HMGA1: variants seen among roughly 807,000 people sequenced by gnomAD.
HMGA1 encodes high mobility group AT-hook 1, also known as high mobility group protein HMG-I/HMG-Y.
A neutral mutation model predicts 15.1 loss-of-function variants in HMGA1; 1 was observed. The ratio of observed to expected loss-of-function variants is 0.07; its 90% CI spans 0.02 to 0.31. The LOEUF (loss-of-function observed/expected upper bound fraction) is 0.31, where lower values mean the gene tolerates loss of function less well. HMGA1 is among the 10% of genes least tolerant of loss of function. The pLI, the probability that HMGA1 is intolerant of heterozygous loss-of-function variation, is 1.00. For missense variants in HMGA1, 94 were observed against 141.4 expected (o/e 0.66, Z 1.70); for synonymous variants, 56 against 54.8 (o/e 1.02, Z -0.10).
At position 34,243,482 on chromosome 6, in the gene HMGA1, T is replaced by A; in HGVS notation, c.234T>A (p.Thr78=). The change falls in exon 5 of 6, where the codon ACT becomes ACA. Residue 78 remains threonine, a synonymous_variant. Coordinates refer to ENST00000311487, the MANE Select transcript of HMGA1 (RefSeq NM_145899.3). ...GAAKTRKTTT[T]PGRKPRGRPK... ...TAACCCTCTAGAAAACCACCACAAC[T>A]CCAGGAAGGAAACCAAGGGGCAGAC... 2 of 1,613,572 alleles carry A rather than the reference T, an allele frequency of 1.2e-6. No homozygotes were observed. The highest frequency in any genetic ancestry group is 8.5e-7 in the Non-Finnish European group (1 of 1,179,662).
intron 2 of HMGA1, among the ~76,000 whole-genome samples, chr6:34,239,424 A>G (rs1762115486): frequency 1.3e-5 from 2 of 151,960 alleles, no homozygotes; most frequent in Admixed American, 6.6e-5. Context: ...ATCATTTTCA[A>G]ATGGTCTAGT....
intron 4 of HMGA1, 138 bp downstream of exon 4, chr6:34,242,933 A>T: frequency 1.4e-6 from 1 of 713,208 alleles, no homozygotes; most frequent in Non-Finnish European, 2.6e-6. Context: ...TGGTACAGGG[A>T]TGGCAGTGAG....
chr6:34,243,603 C>A, intron 5 of HMGA1, 85 bp downstream of exon 5: 1 of 1,110,850 alleles, frequency 9.0e-7, no homozygotes, highest in Non-Finnish European at 1.4e-6. Flanking sequence ...TGCTATGCAC[C>A]CCCTATGGAA....
In HMGA1 at chr6:34,245,081, G is replaced by A. The variant is rs1441505701; in HGVS notation, c.*197G>A. On this transcript the variant is annotated 3_prime_UTR_variant, in exon 6 of 6. Coordinates refer to ENST00000311487, the MANE Select transcript of HMGA1 (RefSeq NM_145899.3). The stretch of plus-strand genomic sequence containing the variant: ...AGCCGCTGCAGGGCTCCCATGGGCT[G>A]AGTGGGGAGCAGTTTTCCCCTGGCC... 1 of 1,526,788 alleles carries A rather than the reference G, an allele frequency of 6.5e-7. No individual in the cohort carries two copies. Among genetic ancestry groups the A allele is most frequent in the African/African-American group, 1.4e-5 (1 of 72,642 alleles). The allele number at this position is 1,526,788 out of a possible 1,614,324, so 94.6% of individuals were successfully genotyped here.
intron 5 of HMGA1, 63 bp downstream of exon 5, chr6:34,243,581 C>G: frequency 5.4e-6 from 7 of 1,307,504 alleles, no homozygotes; most frequent in Non-Finnish European, 7.8e-6. Flanking sequence ...GTGTTGAGTA[C>G]ACAGTACCTG....
intron 3 of HMGA1, among the ~76,000 whole-genome samples, chr6:34,241,448 A>G (rs1762302702): frequency 1.3e-5 from 2 of 152,260 alleles, no homozygotes; most frequent in Admixed American, 6.5e-5. Flanking sequence ...GTTTGTGCAC[A>G]GGCCAGTTAT....
chr6:34,243,431 A>G, intron 4 of HMGA1, 37 bp from the exon 5 acceptor site: 2 of 1,554,670 alleles, frequency 1.3e-6, no homozygotes, highest in Non-Finnish European at 1.8e-6. Context: ...ACTGATGAGC[A>G]TTTTGGACTT....
chr6:34,237,552 C>T (rs1345231019), intron 2 of HMGA1, among the ~76,000 whole-genome samples: 2 of 145,232 alleles, frequency 1.4e-5, no homozygotes, highest in Non-Finnish European at 3.1e-5. Flanking sequence ...CCGCGGGCGC[C>T]CTGCGGGGGG....
Position 34,243,515 on chromosome 6 carries a change from A to C in HMGA1, c.267A>C (p.Lys89Asn). Reference sequence around the variant, plus strand: ...GGAAACCAAGGGGCAGACCCAAAAAACTGGTAGGTGAAGAAGCAGACTGCT... The same window carrying C: ...GGAAACCAAGGGGCAGACCCAAAAACCTGGTAGGTGAAGAAGCAGACTGCT... ...PGRKPRGRPK[K>N]LEKEEEEGIS... The change falls in exon 5 of 6, where the codon AAA (lysine) becomes AAC (asparagine). Residue 89 changes from lysine (K) to asparagine (N), a missense_variant. By Grantham distance (94) the Lys-to-Asn change is moderately conservative. Coordinates refer to ENST00000311487, the MANE Select transcript of HMGA1 (RefSeq NM_145899.3). 1 of 1,613,404 alleles carries C rather than the reference A, an allele frequency of 6.2e-7. No homozygotes were observed. The highest frequency in any genetic ancestry group is 8.5e-7 in the Non-Finnish European group (1 of 1,179,538).
intron 2 of HMGA1, among the ~76,000 whole-genome samples, chr6:34,239,563 G>GTTCT (rs1762126595): frequency 6.6e-6 from 1 of 152,208 alleles, no homozygotes; most frequent in Admixed American, 6.5e-5. Context: ...TGATCTTACA[G>GTTCT]ATTGAGAGGG....
At chr6:34,242,922 C>T in intron 4 of HMGA1, 127 bp downstream of exon 4, 1 of 732,530 alleles carries the variant, frequency 1.4e-6, no homozygotes. Flanking sequence ...ACCCCCTTCC[C>T]TGGTACAGGG....
intron 5 of HMGA1, among the ~76,000 whole-genome samples, chr6:34,243,837 C>A (rs1012076947): frequency 6.6e-6 from 1 of 152,102 alleles, no homozygotes; most frequent in African/African-American, 2.4e-5. Context: ...TAGCCTGTGT[C>A]CCCCTCAATT....
chr6:34,241,652 T>TG (rs970928694), intron 3 of HMGA1, among the ~76,000 whole-genome samples: 20 of 152,186 alleles, frequency 1.3e-4, no homozygotes, highest in African/African-American at 4.1e-4. Context: ...CATTTGGGCA[T>TG]GGGGGGGACC....
intron 3 of HMGA1, 68 bp from the exon 4 acceptor site, chr6:34,242,644 G>T: frequency 2.8e-6 from 3 of 1,073,294 alleles, no homozygotes; most frequent in Non-Finnish European, 4.2e-6. Flanking sequence ...AGGAGGCAGA[G>T]GGCTGTGTCT....
In HMGA1 at chr6:34,244,819, C is replaced by A. The variant is rs1762605156; in HGVS notation, c.271-12C>A. 2 of 1,568,568 alleles carry A rather than the reference C, an allele frequency of 1.3e-6. No individual in the cohort carries two copies. The highest frequency in any genetic ancestry group is 2.3e-5 in the South Asian group (2 of 85,430). On this transcript the variant is annotated splice_polypyrimidine_tract_variant and intron_variant, in intron 5 of 5. Coordinates refer to ENST00000311487, the MANE Select transcript of HMGA1 (RefSeq NM_145899.3). ...GGGCCAGAGCTCACACCAACAACTG[C>A]CCACCTCACAGGAGAAGGAGGAAGA...
intron 4 of HMGA1, among the ~76,000 whole-genome samples, chr6:34,243,079 T>A (rs981463896): frequency 6.6e-6 from 1 of 152,036 alleles, no homozygotes; most frequent in Admixed American, 6.5e-5. Context: ...GTGGGGAGAA[T>A]GGAGGGTCCC....
chr6:34,244,789 G>C, intron 5 of HMGA1, 42 bp from the exon 6 acceptor site: 1 of 1,530,664 alleles, frequency 6.5e-7, no homozygotes, highest in Non-Finnish European at 8.9e-7. Flanking sequence ...TGGAAGAGGG[G>C]GACCGGGCCA....
intron 3 of HMGA1, 132 bp downstream of exon 3, chr6:34,241,047 C>T (rs907491131): frequency 4.8e-6 from 5 of 1,037,012 alleles, no homozygotes; most frequent in African/African-American, 1.6e-5. Flanking sequence ...GTGGGTGTGT[C>T]CTCCCACCTG....
chr6:34,241,195 T>G (rs896772159), intron 3 of HMGA1, among the ~76,000 whole-genome samples: 5 of 152,210 alleles, frequency 3.3e-5, no homozygotes, highest in African/African-American at 1.2e-4. Context: ...AGAGGTCACA[T>G]GGCCAGTGCT....
Sources: allele counts gnomAD v4.1 joint callset (sites outside exome capture counted in the v4.1 genomes callset), GRCh38; gene constraint gnomAD v4.1.1; transcripts MANE v1.5; gene names NCBI Gene and HGNC (gene_info 2026-07-23, HGNC 2026-07-21).